Variants in CDKAL1 observed in about 807,000 individuals in gnomAD.
CDKAL1 encodes the protein CDKAL1 threonylcarbamoyladenosine tRNA methylthiotransferase.
A neutral mutation model predicts 68.2 loss-of-function variants in CDKAL1; 32 were observed. That is an observed-to-expected ratio of 0.47 (90% CI 0.35 to 0.63). CDKAL1 has a LOEUF of 0.63. Among genes scored for constraint, CDKAL1 ranks in the 30% least tolerant of loss-of-function variants. The pLI is 0.00. For missense variants in CDKAL1, 606 were observed against 696.7 expected (o/e 0.87, Z 1.47); for synonymous variants, 234 against 244.3 (o/e 0.96, Z 0.39).
intron 9 of CDKAL1, among the ~76,000 whole-genome samples, chr6:20,926,428 TTAAAA>T (rs1274597702): frequency 1.3e-5 from 2 of 151,832 alleles, no homozygotes; most frequent in African/African-American, 4.8e-5. Context: ...TTCAGGAAAA[TTAAAA>T]TAAGTTGAAA....
At chr6:21,187,546 C>G (rs1778063948) in intron 13 of CDKAL1, among the ~76,000 whole-genome samples, 1 of 152,078 alleles carries the variant, frequency 6.6e-6, no homozygotes, top group South Asian at 2.1e-4. Flanking sequence ...TTTTTTTCTT[C>G]CAAATGTCTG....
intron 9 of CDKAL1, among the ~76,000 whole-genome samples, chr6:20,947,318 C>T (rs548743817): frequency 3.3e-5 from 5 of 152,170 alleles, no homozygotes; most frequent in African/African-American, 7.2e-5. Context: ...AGGCCAGGCT[C>T]ATTGGCTCAC....
intron 6 of CDKAL1, chr6:20,756,602 G>T (rs1451305706): frequency 6.6e-6 from 1 of 152,042 alleles, no homozygotes; most frequent in Non-Finnish European, 1.5e-5. Flanking sequence ...TCTCCGGTTG[G>T]GTAGGTTTGT....
intron 4 of CDKAL1, among the ~76,000 whole-genome samples, chr6:20,643,967 G>A (rs986942727): frequency 2.0e-5 from 3 of 151,934 alleles, no homozygotes; most frequent in African/African-American, 4.8e-5. Flanking sequence ...TGGGACTATA[G>A]GCATGCGCCA....
intron 5 of CDKAL1, among the ~76,000 whole-genome samples, chr6:20,719,901 T>C (rs1772264407): frequency 6.6e-6 from 1 of 152,210 alleles, no homozygotes; most frequent in Non-Finnish European, 1.5e-5. Flanking sequence ...GATAATAAAG[T>C]TAAATCTTGC....
intron 9 of CDKAL1, among the ~76,000 whole-genome samples, chr6:20,918,490 A>G (rs959200053): frequency 1.3e-5 from 2 of 152,218 alleles, no homozygotes; most frequent in African/African-American, 4.8e-5. Flanking sequence ...ATATTCCAGT[A>G]AACAAGTCTG....
At chr6:20,714,690 G>T (rs915674554) in intron 5 of CDKAL1, among the ~76,000 whole-genome samples, 8 of 151,916 alleles carry the variant, frequency 5.3e-5, no homozygotes, top group Admixed American at 1.3e-4. Context: ...ATGAAAATTG[G>T]CAGACTTTTG....
intron 4 of CDKAL1, among the ~76,000 whole-genome samples, chr6:20,554,862 A>G (rs1337293834): frequency 2.6e-5 from 4 of 152,208 alleles, no homozygotes; most frequent in Non-Finnish European, 5.9e-5. Context: ...AGTTGGAAAA[A>G]AAAGTCCATC....
intron 15 of CDKAL1, among the ~76,000 whole-genome samples, chr6:21,222,880 A>G (rs1380735832): frequency 6.6e-6 from 1 of 152,052 alleles, no homozygotes; most frequent in Non-Finnish European, 1.5e-5. Context: ...AACCAGACCA[A>G]CTGTTCCTCA....
chr6:20,988,436 A>G (rs1164980005), intron 10 of CDKAL1, among the ~76,000 whole-genome samples: 6 of 152,130 alleles, frequency 3.9e-5, no homozygotes, highest in East Asian at 1.9e-4. Context: ...AACATTCACA[A>G]TCATAGTAAG....
At chr6:20,981,143 C>T (rs1456740542) in intron 10 of CDKAL1, among the ~76,000 whole-genome samples, 1 of 150,438 alleles carries the variant, frequency 6.6e-6, no homozygotes, top group East Asian at 1.9e-4. Flanking sequence ...GGAAATATTG[C>T]GTTCATTTTT....
At chr6:20,922,779 T>A (rs1368965744) in intron 9 of CDKAL1, among the ~76,000 whole-genome samples, 1 of 152,200 alleles carries the variant, frequency 6.6e-6, no homozygotes. Context: ...TTTTGTTCAT[T>A]GCAAAAAGTT....
chr6:21,122,487 C>T (rs1041071393), intron 13 of CDKAL1, among the ~76,000 whole-genome samples: 2 of 152,152 alleles, frequency 1.3e-5, no homozygotes, highest in African/African-American at 4.8e-5. Flanking sequence ...ACTTTTCTCA[C>T]ATTAGACTAC....
chr6:21,160,916 A>G (rs899444824), intron 13 of CDKAL1, among the ~76,000 whole-genome samples: 2 of 151,530 alleles, frequency 1.3e-5, no homozygotes, highest in South Asian at 2.1e-4. Flanking sequence ...CTCCCTGTGG[A>G]CACATACATA....
chr6:21,115,320 A>G (rs912187888), intron 13 of CDKAL1, among the ~76,000 whole-genome samples: 4 of 152,230 alleles, frequency 2.6e-5, no homozygotes, highest in African/African-American at 9.6e-5. Context: ...ATGTAGCAAC[A>G]GAGTGCTTTG....
At chr6:20,752,070 G>T (rs1434880613) in intron 6 of CDKAL1, among the ~76,000 whole-genome samples, 1 of 148,696 alleles carries the variant, frequency 6.7e-6, no homozygotes, top group Non-Finnish European at 1.5e-5. Context: ...CCTCTTCCGC[G>T]TAACTCCCCC....
chr6:21,210,406 C>T (rs1779106546), intron 15 of CDKAL1, among the ~76,000 whole-genome samples: 1 of 152,150 alleles, frequency 6.6e-6, no homozygotes, highest in African/African-American at 2.4e-5. Flanking sequence ...CTAATGAAGG[C>T]TCCAGAGAGC....
chr6:20,671,100 C>T (rs1458137676), intron 5 of CDKAL1, among the ~76,000 whole-genome samples: 1 of 152,110 alleles, frequency 6.6e-6, no homozygotes, highest in Non-Finnish European at 1.5e-5. Context: ...GCCTAGTTAC[C>T]CTCCAAAAGG....
chr6:20,881,013 A>G (rs187678924), intron 9 of CDKAL1, among the ~76,000 whole-genome samples: 3 of 152,166 alleles, frequency 2.0e-5, no homozygotes, highest in Non-Finnish European at 2.9e-5. Flanking sequence ...AGCTTAATAC[A>G]TATGTGATCT....
Sources: gnomAD v4.1 joint callset for allele counts (sites outside exome capture counted in the v4.1 genomes callset) on GRCh38, gnomAD v4.1.1 for gene constraint, MANE v1.5 for transcripts, NCBI Gene and HGNC (gene_info 2026-07-23, HGNC 2026-07-21) for gene names.